The following SUPT3H variants were observed in gnomAD, a reference collection of about 807,000 sequenced individuals.
SUPT3H encodes the protein transcription initiation protein SPT3 homolog.
Under a neutral mutation model 44.3 loss-of-function variants are expected in SUPT3H, and 44 were observed. The ratio of observed to expected loss-of-function variants is 0.99; its 90% CI spans 0.78 to 1.28. The LOEUF is 1.28. SUPT3H is among the 50% of genes most tolerant of loss of function. The pLI is 0.00. For missense variants in SUPT3H, 380 were observed against 387.1 expected, an observed-to-expected ratio of 0.98 and a Z score of 0.15; for synonymous variants, 124 against 125.6, an observed-to-expected ratio of 0.99 and a Z score of 0.09.
intron 10 of SUPT3H, among the ~76,000 whole-genome samples, chr6:44,858,803 C>T (rs1418425471): frequency 2.6e-5 from 4 of 152,062 alleles, no homozygotes; most frequent in Non-Finnish European, 4.4e-5. Flanking sequence ...CTATGGCTGT[C>T]TAGGACTTAA....
chr6:45,260,421 CA>C (rs5875915), intron 2 of SUPT3H, among the ~76,000 whole-genome samples: 146,823 of 152,138 alleles, frequency 0.97, 70,878 homozygotes, highest in East Asian at 1. Context: ...TTATTCCTAT[CA>C]AAAAAAATCA....
chr6:45,179,113 A>G (rs1180480178), intron 2 of SUPT3H, among the ~76,000 whole-genome samples: 2 of 152,184 alleles, frequency 1.3e-5, no homozygotes, highest in Admixed American at 1.3e-4. Context: ...CTACGCAAAT[A>G]AACTAGAAAA....
At chr6:45,043,222 C>T (rs933225165) in intron 3 of SUPT3H, among the ~76,000 whole-genome samples, 32 of 151,238 alleles carry the variant, frequency 2.1e-4, no homozygotes, top group Admixed American at 1.8e-3. Flanking sequence ...AGTATAAAAT[C>T]TTTAACTTAA....
chr6:45,159,404 A>G (rs1808565499), intron 2 of SUPT3H: 2 of 152,168 alleles, frequency 1.3e-5, no homozygotes, highest in South Asian at 2.1e-4. Context: ...AATTAGCATG[A>G]TCAGTTATCT....
intron 2 of SUPT3H, among the ~76,000 whole-genome samples, chr6:45,171,478 A>G (rs1485226641): frequency 6.6e-6 from 1 of 152,206 alleles, no homozygotes; most frequent in Non-Finnish European, 1.5e-5. Flanking sequence ...ACACCTACAC[A>G]GAAATCAGTA....
rs1487890870 is a variant in SUPT3H at position 45,105,957 on chromosome 6, C to T, written c.151G>A (p.Val51Ile). Residue 51 changes from valine (V) to isoleucine (I), a missense_variant, in exon 3 of 11, where the codon GTA becomes ATA. Physicochemically the swap from Val to Ile is conservative, Grantham distance 29. Transcript: ENST00000371459. ...RRPLHETAVL[V>I]EDVVHTQLIN... is the part of the protein sequence containing the mutation. ...AACTGAGTGTGTACCACATCTTCTA[C>T]CAAAACTGCTGTTTCATGAAGAGGC... 5 of 1,613,726 alleles carry T rather than the reference C, an allele frequency of 3.1e-6. No homozygotes were observed. Among genetic ancestry groups the T allele is most frequent in the Non-Finnish European group, 4.2e-6 (5 of 1,179,870 alleles).
At chr6:44,906,056 G>T (rs1015202869) in intron 10 of SUPT3H, among the ~76,000 whole-genome samples, 8 of 152,122 alleles carry the variant, frequency 5.3e-5, no homozygotes, top group Non-Finnish European at 8.8e-5. Context: ...GATAGCATTA[G>T]GAGATATACC....
chr6:45,111,526 T>G (rs889695474), intron 2 of SUPT3H, among the ~76,000 whole-genome samples: 1 of 64,912 alleles, frequency 1.5e-5, no homozygotes, highest in African/African-American at 5.7e-5. Context: ...CATTCCCCCC[T>G]CCCTCCCCCC....
intron 2 of SUPT3H, among the ~76,000 whole-genome samples, chr6:45,349,049 G>T (rs895639632): frequency 6.6e-6 from 1 of 152,100 alleles, no homozygotes; most frequent in Admixed American, 6.5e-5. Flanking sequence ...CTTTCCACTG[G>T]TATCATTAAA....
At chr6:45,216,121 C>T (rs940649461) in intron 2 of SUPT3H, among the ~76,000 whole-genome samples, 3 of 152,086 alleles carry the variant, frequency 2.0e-5, no homozygotes, top group Non-Finnish European at 4.4e-5. Context: ...TACACATTCC[C>T]AGACTAGAAA....
At chr6:45,293,517 C>CA (rs141346507) in intron 2 of SUPT3H, among the ~76,000 whole-genome samples, 6,856 of 147,806 alleles carry the variant, frequency 0.046, 179 homozygotes, top group Admixed American at 0.084. Flanking sequence ...CTGAAACAAT[C>CA]AAAAAAAAAA....
intron 3 of SUPT3H, among the ~76,000 whole-genome samples, chr6:45,090,370 C>G (rs1796986084): frequency 6.6e-6 from 1 of 151,916 alleles, no homozygotes; most frequent in Non-Finnish European, 1.5e-5. Context: ...TCATTCTTGT[C>G]TTATAAAAAA....
rs1777346472 is a variant in SUPT3H at position 44,876,730 on chromosome 6, A to C, written c.913-46873T>G. On this transcript the variant is annotated intron_variant, in intron 10 of 10. Coordinates refer to ENST00000371459, the MANE Select transcript of SUPT3H (RefSeq NM_003599.4). Reference sequence around the variant, plus strand: ...TGGATCAAAGGAGAAACATCAAGGGAAATTAGAAAATACTTTGAGATGAAT... The same window carrying C: ...TGGATCAAAGGAGAAACATCAAGGGCAATTAGAAAATACTTTGAGATGAAT... 2.0e-5 allele frequency among the ~76,000 whole-genome samples: 3 copies of C among 151,750 alleles called. No homozygotes were observed. The South Asian group carries it at 6.2e-4, about 31-fold the overall frequency.
At chr6:45,139,677 T>C (rs1432234710) in intron 2 of SUPT3H, among the ~76,000 whole-genome samples, 3 of 152,106 alleles carry the variant, frequency 2.0e-5, no homozygotes, top group Non-Finnish European at 4.4e-5. Context: ...AGCTGAAATG[T>C]ATTAGGGAGC....
chr6:45,356,203 G>A (rs895174810), intron 2 of SUPT3H, among the ~76,000 whole-genome samples: 10 of 151,826 alleles, frequency 6.6e-5, no homozygotes, highest in African/African-American at 2.4e-4. Context: ...AAGGCATATG[G>A]TATTTCACAG....
At chr6:44,932,539 TAC>T (rs1334562312) in intron 10 of SUPT3H, 112 bp downstream of exon 10, 9 of 675,432 alleles carry the variant, frequency 1.3e-5, no homozygotes, top group African/African-American at 5.7e-5. Flanking sequence ...ACAACAAAAT[TAC>T]AGTCACCACA....
At chr6:45,203,778 A>G (rs1440338984) in intron 2 of SUPT3H, among the ~76,000 whole-genome samples, 1 of 152,150 alleles carries the variant, frequency 6.6e-6, no homozygotes, top group African/African-American at 2.4e-5. Context: ...CTATTTGTGC[A>G]CTTTCTCTCT....
At chr6:45,179,672 TCAA>T (rs1812743780) in intron 2 of SUPT3H, among the ~76,000 whole-genome samples, 1 of 152,144 alleles carries the variant, frequency 6.6e-6, no homozygotes, top group Admixed American at 6.5e-5. Context: ...TTGACAAAAT[TCAA>T]CAACGCTTCA....
intron 10 of SUPT3H, among the ~76,000 whole-genome samples, chr6:44,857,644 C>T (rs1387900899): frequency 6.6e-6 from 1 of 151,970 alleles, no homozygotes; most frequent in Non-Finnish European, 1.5e-5. Context: ...TTCTGGAGGC[C>T]CAGTTTTTAC....
Sources: allele counts gnomAD v4.1 joint callset (sites outside exome capture counted in the v4.1 genomes callset), GRCh38; gene constraint gnomAD v4.1.1; transcripts MANE v1.5; gene names NCBI Gene and HGNC (gene_info 2026-07-23, HGNC 2026-07-21).